The following PLCG2 variants were observed in gnomAD, a reference collection of about 807,000 sequenced individuals.
The protein encoded by PLCG2 is 1-phosphatidylinositol 4,5-bisphosphate phosphodiesterase gamma-2.
A neutral mutation model predicts 175.6 loss-of-function variants in PLCG2; 69 were observed. The observed-to-expected ratio is 0.39, with a 90% CI of 0.32 to 0.48. PLCG2 has a LOEUF of 0.48. PLCG2 is among the 20% of genes least tolerant of loss of function. The pLI is 0.91. For missense variants in PLCG2, 1,798 were observed against 1,650.9 expected, an observed-to-expected ratio of 1.09 and a Z score of -1.54; for synonymous variants, 827 against 624.0, an observed-to-expected ratio of 1.33 and a Z score of -4.85.
chr16:81,873,325 A>G (rs1010621249), intron 7 of PLCG2, among the ~76,000 whole-genome samples: 10 of 152,228 alleles, frequency 6.6e-5, no homozygotes, highest in Admixed American at 6.5e-4. Context: ...AACCACAACA[A>G]AAACCATGAT....
intron 2 of PLCG2, among the ~76,000 whole-genome samples, chr16:81,814,143 A>T (rs1052317972): frequency 1.4e-4 from 22 of 152,164 alleles, no homozygotes; most frequent in African/African-American, 5.3e-4. Flanking sequence ...GTTAGTGCCA[A>T]ACTTTGGGGC....
intron 5 of PLCG2, among the ~76,000 whole-genome samples, chr16:81,859,966 C>G (rs931267307): frequency 6.6e-6 from 1 of 151,894 alleles, no homozygotes; most frequent in African/African-American, 2.4e-5. Flanking sequence ...AGCTCTATGA[C>G]GGACTATTAT....
At chr16:81,873,330 C>T (rs1206591046) in intron 7 of PLCG2, among the ~76,000 whole-genome samples, 1 of 152,176 alleles carries the variant, frequency 6.6e-6, no homozygotes, top group Non-Finnish European at 1.5e-5. Context: ...CAACAAAAAC[C>T]ATGATTCATA....
chr16:81,745,897 T>A (rs1312703332), intron 1 of PLCG2, among the ~76,000 whole-genome samples: 1 of 152,202 alleles, frequency 6.6e-6, no homozygotes, highest in Non-Finnish European at 1.5e-5. Flanking sequence ...TTCCTGAGCC[T>A]CCTGGCTGTC....
chr16:81,797,262 C>A (rs1397731550), intron 2 of PLCG2, among the ~76,000 whole-genome samples: 1 of 150,034 alleles, frequency 6.7e-6, no homozygotes, highest in Non-Finnish European at 1.5e-5. Flanking sequence ...TTAAAGATGT[C>A]CCTTGGTGAA....
At chr16:81,838,173 G>T (rs2143413319) in intron 2 of PLCG2, among the ~76,000 whole-genome samples, 1 of 152,034 alleles carries the variant, frequency 6.6e-6, no homozygotes, top group Admixed American at 6.6e-5. Context: ...CTGCCTCCTG[G>T]GTTCAAGTGA....
intron 2 of PLCG2, among the ~76,000 whole-genome samples, chr16:81,766,258 G>A (rs572179065): frequency 2.6e-4 from 39 of 152,256 alleles, no homozygotes; most frequent in African/African-American, 8.4e-4. Flanking sequence ...ACATGGGGGA[G>A]GCATAGGAGG....
chr16:81,929,706 A>G (rs966146208), intron 24 of PLCG2, among the ~76,000 whole-genome samples: 3 of 152,216 alleles, frequency 2.0e-5, no homozygotes, highest in East Asian at 3.9e-4. Flanking sequence ...TGCTTTCCAC[A>G]TTTATAACCT....
intron 26 of PLCG2, chr16:81,935,653 C>A: frequency 1.0e-6 from 1 of 985,370 alleles, no homozygotes; most frequent in African/African-American, 1.7e-5. Context: ...GCCGGGCTAT[C>A]CCACCACAGC....
intron 2 of PLCG2, among the ~76,000 whole-genome samples, chr16:81,793,470 G>A (rs1053570294): frequency 3.3e-5 from 5 of 152,138 alleles, no homozygotes; most frequent in African/African-American, 4.8e-5. Context: ...TTTTAGGGTC[G>A]GCTGTGGTGA....
At chr16:81,855,783 G>A (rs746567429) in intron 3 of PLCG2, among the ~76,000 whole-genome samples, 38 of 152,150 alleles carry the variant, frequency 2.5e-4, no homozygotes, top group Non-Finnish European at 2.4e-4. Flanking sequence ...AGAGAGGGAG[G>A]GTGCTCCAGG....
chr16:81,915,789 C>G (rs1909815832), intron 19 of PLCG2, among the ~76,000 whole-genome samples: 1 of 152,154 alleles, frequency 6.6e-6, no homozygotes, highest in East Asian at 1.9e-4. Context: ...CCCCAGAGCC[C>G]CCCTGCCTGC....
At chr16:81,899,146 G>A (rs989952150) in intron 13 of PLCG2, among the ~76,000 whole-genome samples, 1 of 151,902 alleles carries the variant, frequency 6.6e-6, no homozygotes. Context: ...CTGAGGTCAC[G>A]CCATTGCACT....
At chr16:81,848,676 C>A (rs938046476) in intron 2 of PLCG2, among the ~76,000 whole-genome samples, 1 of 152,186 alleles carries the variant, frequency 6.6e-6, no homozygotes, top group Non-Finnish European at 1.5e-5. Context: ...CCATTTCTCT[C>A]TGTCCCTTTC....
At chr16:81,799,600 T>TA (rs1246421759) in intron 2 of PLCG2, among the ~76,000 whole-genome samples, 1 of 82,158 alleles carries the variant, frequency 1.2e-5, no homozygotes, top group Non-Finnish European at 2.6e-5. Flanking sequence ...TGTTATTAAT[T>TA]TTTTTTTTTT....
At chr16:81,889,495 T>G in intron 10 of PLCG2, 1 of 458,444 alleles carries the variant, frequency 2.2e-6, no homozygotes, top group Non-Finnish European at 4.0e-6. Flanking sequence ...TTTTGCCTGC[T>G]GCCTAGACAG....
At chr16:81,897,274 G>A (rs1456725481) in intron 13 of PLCG2, among the ~76,000 whole-genome samples, 1 of 152,174 alleles carries the variant, frequency 6.6e-6, no homozygotes, top group Non-Finnish European at 1.5e-5. Context: ...ATACTTTCTG[G>A]GGTAGAATAG....
chr16:81,937,891 G>A lies in PLCG2; in HGVS notation c.3186G>A (p.Thr1062=), dbSNP rs750433397. The A allele has an allele frequency of 1.1e-5, 18 of 1,613,910 alleles. No individual in the cohort carries two copies. Among genetic ancestry groups the A allele is most frequent in the African/African-American group, 5.3e-5 (4 of 74,908 alleles). Reference sequence around the variant, plus strand: ...AGTCCCAGAGGAAGATCCTGATGACGCTGACAGTCAAGGTAAAGCCAGCCC... The same window carrying A: ...AGTCCCAGAGGAAGATCCTGATGACACTGACAGTCAAGGTAAAGCCAGCCC... ...PPESQRKILM[T]LTVKVLGARH... The change falls in exon 28 of 33, where the codon ACG becomes ACA. Residue 1062 remains threonine, a synonymous_variant. Transcript: ENST00000564138.
rs902746176 is a variant in PLCG2 at position 81,960,394 on chromosome 16, A to G, written c.*2396A>G. ...ATTCTGAAAGATGGAAGCAGCACTG[A>G]TAGATCAAAACCACCACTGCATATG... On this transcript the variant is annotated 3_prime_UTR_variant, in exon 33 of 33. Coordinates refer to ENST00000564138, the MANE Select transcript of PLCG2 (RefSeq NM_002661.5). The G allele has an allele frequency of 4.5e-5, 10 of 222,998 alleles. No homozygotes were observed. The highest frequency in any genetic ancestry group is 8.9e-5 in the African/African-American group (4 of 44,758). The allele number at this position is 222,998 out of a possible 1,614,324, so 13.8% of individuals were successfully genotyped here.
Sources: gnomAD v4.1 joint callset for allele counts (sites outside exome capture counted in the v4.1 genomes callset) on GRCh38, gnomAD v4.1.1 for gene constraint, MANE v1.5 for transcripts, NCBI Gene and HGNC (gene_info 2026-07-23, HGNC 2026-07-21) for gene names.